The following EPHA6 variants were observed in gnomAD, a reference collection of about 807,000 sequenced individuals.
EPHA6 encodes the protein EPH receptor A6, also known as ephrin type-A receptor 6.
Under a neutral mutation model 112.0 loss-of-function variants are expected in EPHA6, and 50 were observed. That is an observed-to-expected ratio of 0.45 (90% CI 0.36 to 0.56). The LOEUF (loss-of-function observed/expected upper bound fraction) is 0.56. Among genes scored for constraint, EPHA6 ranks in the 20% least tolerant of loss-of-function variants. The pLI is 0.00. For missense variants in EPHA6, 1,280 were observed against 1,417.4 expected (o/e 0.90, Z 1.56); for synonymous variants, 529 against 490.7 (o/e 1.08, Z -1.03).
At chr3:97,505,821 A>G (rs1241433841) in intron 10 of EPHA6, among the ~76,000 whole-genome samples, 4 of 152,116 alleles carry the variant, frequency 2.6e-5, no homozygotes, top group Non-Finnish European at 5.9e-5. Flanking sequence ...AAGTGTTCCT[A>G]TTTCTCCACA....
intron 15 of EPHA6, among the ~76,000 whole-genome samples, chr3:97,733,302 C>T (rs2873394): frequency 0.43 from 65,260 of 151,802 alleles, 14,180 homozygotes; most frequent in Non-Finnish European, 0.48. Flanking sequence ...TAGAGAAGAG[C>T]AAGCTTCCAG....
intron 10 of EPHA6, among the ~76,000 whole-genome samples, chr3:97,515,129 A>G (rs1396475553): frequency 6.6e-6 from 1 of 152,216 alleles, no homozygotes; most frequent in Non-Finnish European, 1.5e-5. Flanking sequence ...ATGTAGATTG[A>G]AAATAGAATA....
chr3:97,680,658 G>A (rs1314393940), intron 14 of EPHA6, among the ~76,000 whole-genome samples: 1 of 152,130 alleles, frequency 6.6e-6, no homozygotes, highest in Non-Finnish European at 1.5e-5. Context: ...ACATATCAGT[G>A]TCCCTTTGTC....
chr3:97,679,101 G>T (rs2031648032), intron 14 of EPHA6, among the ~76,000 whole-genome samples: 5 of 151,998 alleles, frequency 3.3e-5, no homozygotes, highest in Admixed American at 3.3e-4. Flanking sequence ...ATTTATTAGT[G>T]ATTCTTAAGT....
chr3:97,534,655 AT>A (rs1173302122), intron 11 of EPHA6, among the ~76,000 whole-genome samples: 1 of 152,138 alleles, frequency 6.6e-6, no homozygotes, highest in African/African-American at 2.4e-5. Flanking sequence ...AGAGCCAGCT[AT>A]GCCATAACAC....
intron 10 of EPHA6, among the ~76,000 whole-genome samples, chr3:97,508,010 C>A (rs2092289801): frequency 6.6e-6 from 1 of 152,050 alleles, no homozygotes; most frequent in Admixed American, 6.6e-5. Flanking sequence ...GTGATATCTA[C>A]TTTATCATTT....
At chr3:97,083,205 T>C (rs567028623) in intron 3 of EPHA6, among the ~76,000 whole-genome samples, 2 of 152,114 alleles carry the variant, frequency 1.3e-5, no homozygotes, top group Admixed American at 6.6e-5. Flanking sequence ...CCATACATCT[T>C]TGTGAAACAT....
intron 2 of EPHA6, among the ~76,000 whole-genome samples, chr3:96,957,245 A>G (rs1349867429): frequency 6.6e-6 from 1 of 152,204 alleles, no homozygotes; most frequent in Admixed American, 6.5e-5. Flanking sequence ...GATCCAAAGA[A>G]GAGGGATATC....
At chr3:97,673,406 G>A (rs1311921029) in intron 14 of EPHA6, among the ~76,000 whole-genome samples, 1 of 152,150 alleles carries the variant, frequency 6.6e-6, no homozygotes, top group Non-Finnish European at 1.5e-5. Flanking sequence ...TAATTGCTTT[G>A]AGTGGATATA....
intron 12 of EPHA6, among the ~76,000 whole-genome samples, chr3:97,596,743 GATA>G (rs2093594264): frequency 7.3e-6 from 1 of 137,592 alleles, no homozygotes; most frequent in Non-Finnish European, 1.5e-5. Context: ...TGTGAGACTT[GATA>G]ATATTTTTTA....
chr3:97,407,692 T>C (rs2087446359), intron 6 of EPHA6, among the ~76,000 whole-genome samples: 1 of 152,038 alleles, frequency 6.6e-6, no homozygotes. Flanking sequence ...TAAAATAATA[T>C]GGGAAGTCAA....
intron 10 of EPHA6, among the ~76,000 whole-genome samples, chr3:97,497,302 T>G (rs1351920717): frequency 2.0e-5 from 3 of 152,174 alleles, no homozygotes; most frequent in African/African-American, 4.8e-5. Flanking sequence ...ACTTTCTACA[T>G]GCACTCCTAT....
At chr3:97,015,759 C>T (rs928695870) in intron 3 of EPHA6, among the ~76,000 whole-genome samples, 2 of 152,024 alleles carry the variant, frequency 1.3e-5, no homozygotes, top group Non-Finnish European at 2.9e-5. Flanking sequence ...ACGCAGCTCC[C>T]CACATATTTG....
chr3:97,209,579 G>A (rs913291443), intron 3 of EPHA6, among the ~76,000 whole-genome samples: 2 of 152,126 alleles, frequency 1.3e-5, no homozygotes, highest in Admixed American at 1.3e-4. Flanking sequence ...TTGCCAGCAT[G>A]ATTAATAACT....
intron 6 of EPHA6, among the ~76,000 whole-genome samples, chr3:97,432,030 G>A (rs36022177): frequency 0.09 from 13,629 of 152,036 alleles, 940 homozygotes; most frequent in Non-Finnish European, 0.13. Flanking sequence ...ACAGAAACAG[G>A]CAACTGACTT....
At chr3:96,974,219 G>T (rs980501753) in intron 2 of EPHA6, among the ~76,000 whole-genome samples, 2 of 146,544 alleles carry the variant, frequency 1.4e-5, no homozygotes, top group African/African-American at 4.9e-5. Context: ...ATTAATTATT[G>T]ATATATTATT....
At chr3:97,481,572 C>G (rs1023078034) in intron 9 of EPHA6, 4 of 606,028 alleles carry the variant, frequency 6.6e-6, no homozygotes, top group African/African-American at 5.6e-5. Context: ...GCGTCCGGCG[C>G]TGGGGGACTG....
chr3:97,001,019 T>C (rs1336709333), intron 3 of EPHA6, among the ~76,000 whole-genome samples: 1 of 147,340 alleles, frequency 6.8e-6, no homozygotes, highest in East Asian at 1.9e-4. Context: ...CAGAAATTGA[T>C]ATATATATAT....
chr3:97,012,307 A>G (rs2044114654), intron 3 of EPHA6, among the ~76,000 whole-genome samples: 1 of 150,424 alleles, frequency 6.6e-6, no homozygotes, highest in Admixed American at 6.6e-5. Flanking sequence ...TTGCAGCCTC[A>G]CCAGCATCTG....
Sources: gnomAD v4.1 joint callset for allele counts (sites outside exome capture counted in the v4.1 genomes callset) on GRCh38, gnomAD v4.1.1 for gene constraint, MANE v1.5 for transcripts, NCBI Gene and HGNC (gene_info 2026-07-23, HGNC 2026-07-21) for gene names.